The following ATP8A1 variants were observed in gnomAD, a reference collection of about 807,000 sequenced individuals.
ATP8A1 encodes the protein ATPase phospholipid transporting 8A1.
In ATP8A1, 90 loss-of-function variants were observed where a neutral mutation model predicts 177.7. That is an observed-to-expected ratio of 0.51 (90% confidence interval 0.43 to 0.60). ATP8A1 has a LOEUF of 0.60. ATP8A1 is among the 20% of genes least tolerant of loss of function. The pLI, the probability that ATP8A1 is intolerant of heterozygous loss-of-function variation, is 0.00. For missense variants in ATP8A1, 1,072 were observed against 1,392.8 expected, an observed-to-expected ratio of 0.77 and a Z score of 3.67; for synonymous variants, 493 against 485.9, an observed-to-expected ratio of 1.01 and a Z score of -0.19.
chr4:42,422,623 C>T (rs969403236), intron 35 of ATP8A1, among the ~76,000 whole-genome samples, 184 bp downstream of exon 35: 5 of 152,108 alleles, frequency 3.3e-5, no homozygotes, highest in Admixed American at 1.3e-4. Flanking sequence ...GATTAAGCAA[C>T]GTAGCCAAGG....
rs61277021 is a variant in ATP8A1, at chr4:42,601,535, A to AAAAAATAAAAAT, written c.410-1029_410-1018dup. Among the ~76,000 whole-genome samples the AAAAAATAAAAAT allele has an allele frequency of 4.9e-4, 74 of 149,502 alleles. No homozygotes were observed. In the East Asian group the frequency reaches 5.5e-3, roughly 11 times the overall value. On this transcript the variant is annotated intron_variant, in intron 5 of 36. Coordinates refer to ENST00000381668, the MANE Select transcript of ATP8A1 (RefSeq NM_006095.2). ...AACACTGAGTATGCTAATAAACACC[A>AAAAAATAAAAAT]AAAAATAAAAATAAAAATAAAAATA...
chr4:42,417,242 A>T (rs911785289), intron 35 of ATP8A1, among the ~76,000 whole-genome samples: 1 of 152,076 alleles, frequency 6.6e-6, no homozygotes, highest in African/African-American at 2.4e-5. Context: ...TACTGATACT[A>T]CTATTAAGGC....
At chr4:42,512,790 A>T (rs973983655) in intron 22 of ATP8A1, among the ~76,000 whole-genome samples, 2 of 152,210 alleles carry the variant, frequency 1.3e-5, no homozygotes, top group Admixed American at 1.3e-4. Context: ...CTCATTGAAT[A>T]GGTCTACGGT....
chr4:42,448,596 C>G (rs1166105956), intron 30 of ATP8A1, among the ~76,000 whole-genome samples: 1 of 151,316 alleles, frequency 6.6e-6, no homozygotes, highest in Non-Finnish European at 1.5e-5. Flanking sequence ...CGGGGTTTCA[C>G]CAGGTTGGCC....
At chr4:42,636,154 A>ACGCGCGCGCGCGTGCGCGCG (rs765930469) in intron 1 of ATP8A1, among the ~76,000 whole-genome samples, 1 of 47,540 alleles carries the variant, frequency 2.1e-5, no homozygotes, top group Non-Finnish European at 7.2e-5. Context: ...ACACACACAC[A>ACGCGCGCGCGCGTGCGCGCG]CACGCACACA....
intron 22 of ATP8A1, among the ~76,000 whole-genome samples, chr4:42,509,588 C>T (rs113485197): frequency 6.6e-6 from 1 of 152,142 alleles, no homozygotes; most frequent in Non-Finnish European, 1.5e-5. Context: ...TGGCCAGGCG[C>T]GGTGGCTCAT....
At chr4:42,453,176 T>C (rs1191889815) in intron 29 of ATP8A1, among the ~76,000 whole-genome samples, 3 of 152,202 alleles carry the variant, frequency 2.0e-5, no homozygotes, top group Non-Finnish European at 4.4e-5. Context: ...CTTTAACCCC[T>C]GTCACGACCT....
intron 5 of ATP8A1, among the ~76,000 whole-genome samples, chr4:42,609,889 A>C (rs1417902299): frequency 6.6e-6 from 1 of 152,140 alleles, no homozygotes; most frequent in Admixed American, 6.5e-5. Flanking sequence ...GGTTTTCAAA[A>C]GACTCCGAAA....
intron 36 of ATP8A1, among the ~76,000 whole-genome samples, chr4:42,413,367 T>G (rs1712842336): frequency 1.3e-5 from 2 of 152,262 alleles, no homozygotes; most frequent in South Asian, 4.1e-4. Flanking sequence ...GGCTCACATA[T>G]TTCCACATAG....
In ATP8A1 at chr4:42,656,839, C is replaced by A. The variant is rs1046215312; in HGVS notation, c.35G>T (p.Arg12Leu). 2.5e-6 allele frequency: 4 copies of A among 1,583,264 alleles called. No homozygotes were observed. In the Admixed American group the frequency reaches 5.2e-5, roughly 21 times the overall value. Residue 12 changes from arginine (R) to leucine (L), a missense_variant, in exon 1 of 37, where the codon CGC (arginine) becomes CTC (leucine). Physicochemically the swap from Arg to Leu is moderately radical, Grantham distance 102 (BLOSUM62 -2). Around this residue, in one of 5 missense-constraint regions of ATP8A1, gnomAD observed 344 missense variants for 393.5 expected, o/e 0.87. Coordinates refer to ENST00000381668, the MANE Select transcript of ATP8A1 (RefSeq NM_006095.2). ...CGGCCCCTTACCTTCGGCGCGCGAGCGGATCTCCGACACGGTCCTCCGCAT... is the reference window on the plus strand; with the variant it reads ...CGGCCCCTTACCTTCGGCGCGCGAGAGGATCTCCGACACGGTCCTCCGCAT... ...PTMRRTVSEIRSRAEGYEKTD... is the reference protein window; with the variant it reads ...PTMRRTVSEILSRAEGYEKTD...
In ATP8A1 at chr4:42,616,107, G is replaced by A. The variant is rs552753473; in HGVS notation, c.364-29C>T. 2.3e-5 allele frequency: 36 copies of A among 1,587,926 alleles called. No individual in the cohort carries two copies. In the African/African-American group the frequency reaches 4.2e-4, roughly 18 times the overall value. On this transcript the variant is annotated intron_variant, in intron 4 of 36. Coordinates refer to ENST00000381668, the MANE Select transcript of ATP8A1 (RefSeq NM_006095.2). ...AAGTTTAAAAGCAAAAAGAACAACT[G>A]TGAAAATGTGAATAAGATTACTAAA...
intron 4 of ATP8A1, among the ~76,000 whole-genome samples, chr4:42,624,079 AC>A (rs1737789085): frequency 6.6e-6 from 1 of 152,260 alleles, no homozygotes; most frequent in South Asian, 2.1e-4. Flanking sequence ...GGTTACTATT[AC>A]TTTCTTTTAA....
At chr4:42,654,093 C>G (rs1301757380) in intron 1 of ATP8A1, among the ~76,000 whole-genome samples, 1 of 152,232 alleles carries the variant, frequency 6.6e-6, no homozygotes, top group African/African-American at 2.4e-5. Context: ...CTGCGTTTAA[C>G]AAGATCCTCA....
At chr4:42,642,275 G>A (rs906095852) in intron 1 of ATP8A1, among the ~76,000 whole-genome samples, 6 of 152,100 alleles carry the variant, frequency 3.9e-5, no homozygotes, top group African/African-American at 1.4e-4. Flanking sequence ...CCACAAAAGA[G>A]CATCCAAGAA....
intron 22 of ATP8A1, among the ~76,000 whole-genome samples, chr4:42,512,302 C>A (rs1013673071): frequency 6.6e-6 from 1 of 152,132 alleles, no homozygotes; most frequent in African/African-American, 2.4e-5. Flanking sequence ...TGTGTCTGTT[C>A]TTGGTCTTCA....
chr4:42,426,865 A>G (rs1490893232), intron 33 of ATP8A1, among the ~76,000 whole-genome samples: 4 of 152,254 alleles, frequency 2.6e-5, no homozygotes, highest in African/African-American at 9.6e-5. Flanking sequence ...TCCCTAATAA[A>G]GTGCCATTCA....
chr4:42,468,381 T>C (rs902108853), intron 25 of ATP8A1, among the ~76,000 whole-genome samples: 15 of 152,046 alleles, frequency 9.9e-5, no homozygotes, highest in Admixed American at 6.6e-4. Flanking sequence ...TGTGTATATA[T>C]ATGTATGTGT....
chr4:42,640,010 T>C (rs767288848), intron 1 of ATP8A1, among the ~76,000 whole-genome samples: 4 of 152,234 alleles, frequency 2.6e-5, no homozygotes, highest in Non-Finnish European at 5.9e-5. Flanking sequence ...TGAAACTCTA[T>C]GGAATTTTTT....
At chr4:42,507,323 T>C (rs1724472615) in intron 22 of ATP8A1, among the ~76,000 whole-genome samples, 169 bp from the exon 23 acceptor site, 1 of 152,220 alleles carries the variant, frequency 6.6e-6, no homozygotes, top group African/African-American at 2.4e-5. Context: ...TTGACTTTCA[T>C]GCAGTCTTTA....
Sources: gnomAD v4.1 joint callset for allele counts (sites outside exome capture counted in the v4.1 genomes callset) on GRCh38, gnomAD v4.1.1 for gene constraint, gnomAD v4.1.1 regional missense constraint, MANE v1.5 for transcripts, NCBI Gene and HGNC (gene_info 2026-07-23, HGNC 2026-07-21) for gene names.